Variants in CYP24A1 observed in about 807,000 individuals in gnomAD.
CYP24A1 encodes the protein cytochrome P450 family 24 subfamily A member 1.
A neutral mutation model predicts 62.4 loss-of-function variants in CYP24A1; 68 were observed. That is an observed-to-expected ratio of 1.09 (90% CI 0.90 to 1.33). The LOEUF (loss-of-function observed/expected upper bound fraction) is 1.33, where lower values mean the gene tolerates loss of function less well. CYP24A1 is among the 40% of genes most tolerant of loss of function. The probability of loss-of-function intolerance (pLI) is 0.00; values close to 1 mark genes in which losing one functional copy is unlikely to be tolerated. For missense variants in CYP24A1, 787 were observed against 653.0 expected, an observed-to-expected ratio of 1.21 and a Z score of -2.24; for synonymous variants, 267 against 253.0, an observed-to-expected ratio of 1.06 and a Z score of -0.52.
chr20:54,169,965 A>G (rs1234157980), intron 3 of CYP24A1, among the ~76,000 whole-genome samples: 2 of 134,846 alleles, frequency 1.5e-5, no homozygotes, highest in African/African-American at 5.5e-5. Flanking sequence ...ATTTAAGAAA[A>G]GGAAAACATT....
the CYP24A1 span, among the ~76,000 whole-genome samples, chr20:54,145,112 T>C: frequency 1.3e-5 from 2 of 152,194 alleles, no homozygotes; most frequent in East Asian, 3.8e-4. Context: ...AAATTCATTC[T>C]AGGTTAGTTG....
downstream of CYP24A1, among the ~76,000 whole-genome samples, chr20:54,150,171 A>G (rs1172487925): frequency 6.6e-6 from 1 of 152,166 alleles, no homozygotes; most frequent in East Asian, 1.9e-4. Flanking sequence ...TTTACGGTAT[A>G]CTTTACAGAT....
intron 2 of CYP24A1, chr20:54,172,700 C>A: frequency 8.4e-7 from 1 of 1,188,070 alleles, no homozygotes; most frequent in Non-Finnish European, 1.1e-6. Flanking sequence ...AACGCAGGTG[C>A]TGGGTGCACA....
At chr20:54,148,694 G>C (rs993551684), downstream of CYP24A1, among the ~76,000 whole-genome samples, 1 of 152,060 alleles carries the variant, frequency 6.6e-6, no homozygotes, top group East Asian at 1.9e-4. Context: ...ATTTAAAGAG[G>C]CTCCCATTAA....
downstream of CYP24A1, among the ~76,000 whole-genome samples, chr20:54,151,719 C>A (rs963401163): frequency 6.6e-6 from 1 of 151,886 alleles, no homozygotes; most frequent in African/African-American, 2.4e-5. Flanking sequence ...CGTGCCACCA[C>A]GCCCAGCTAA....
intron 2 of CYP24A1, chr20:54,172,687 G>A: frequency 9.4e-7 from 1 of 1,060,946 alleles, no homozygotes; most frequent in Admixed American, 2.9e-5. Flanking sequence ...TGTTGCCAGA[G>A]AGAACGCAGG....
intron 3 of CYP24A1, among the ~76,000 whole-genome samples, chr20:54,170,157 A>C (rs1042451955): frequency 6.6e-6 from 1 of 152,192 alleles, no homozygotes; most frequent in African/African-American, 2.4e-5. Flanking sequence ...ACTTGGAACC[A>C]GAAGATCTAC....
At position 54,165,962 on chromosome 20, in the gene CYP24A1, G is replaced by A; in HGVS notation, c.641-129C>T. The A allele has an allele frequency of 2.9e-5, 21 of 722,366 alleles. 1 individual carries two copies. In the South Asian group the frequency reaches 3.3e-4, roughly 11 times the overall value. The allele number at this position is 722,366 out of a possible 1,614,324, so 44.7% of individuals were successfully genotyped here. ...TGGGATTTTCTGAGAAAAGGCAACA[G>A]TCCAAGAATATTGAGGAAAAGCAGA... On this transcript the variant is annotated intron_variant, in intron 4 of 11. Transcript: ENST00000216862.
chr20:54,162,539 G>A (rs1014399309), intron 7 of CYP24A1, 178 bp downstream of exon 7: 3 of 625,494 alleles, frequency 4.8e-6, no homozygotes, highest in East Asian at 5.6e-5. Flanking sequence ...CTGAGGCACC[G>A]TGGCATAGAT....
intron 4 of CYP24A1, among the ~76,000 whole-genome samples, chr20:54,168,790 T>TC (rs2092682170): frequency 2.0e-5 from 1 of 48,882 alleles, no homozygotes; most frequent in Non-Finnish European, 4.1e-5. Context: ...CTCCCTCCCT[T>TC]CTGCCTTCCC....
Position 54,172,978 on chromosome 20 carries a change from T to C in CYP24A1, c.380A>G (p.Gln127Arg). The change falls in exon 2 of 12, where the codon CAG (glutamine) becomes CGG (arginine). Residue 127 changes from glutamine to arginine, a missense_variant. Physicochemically the swap from Gln to Arg is conservative, Grantham distance 43. Transcript: ENST00000216862. ...ALYRTESAYP[Q>R]RLEIKPWKAY... is the part of the protein sequence containing the mutation. ...CTTCCACGGTTTGATCTCCAGCCGC[T>C]GCGGGTACGCGCTCTCGGTGCGGTA... The C allele has an allele frequency of 1.2e-6, 2 of 1,613,054 alleles. No homozygotes were observed. Among genetic ancestry groups the C allele is most frequent in the South Asian group, 1.1e-5 (1 of 91,070 alleles).
chr20:54,169,310 C>T (rs978174586), intron 4 of CYP24A1, among the ~76,000 whole-genome samples: 2 of 152,130 alleles, frequency 1.3e-5, no homozygotes, highest in African/African-American at 4.8e-5. Context: ...TATAAGCTCC[C>T]CAAGGGTACA....
chr20:54,159,202 C>G, intron 7 of CYP24A1, 79 bp from the exon 8 acceptor site: 2 of 1,084,732 alleles, frequency 1.8e-6, no homozygotes, highest in Non-Finnish European at 2.8e-6. Context: ...AAAGGTGATG[C>G]CCACCACCTT....
Position 54,173,218 on chromosome 20 carries a change from G to C in CYP24A1, c.258+104C>G. On this transcript the variant is annotated intron_variant, in intron 1 of 11. Transcript: ENST00000216862. The surrounding 1 kb of genome is among the most constrained non-coding windows in gnomAD (Gnocchi z 7.2). The stretch of plus-strand genomic sequence containing the variant: ...CGGGGACCCTCCCTGCCCAGACGCC[G>C]AAGCGCACCATGCGCCCGAGGCGCG... 6.6e-7 allele frequency: 1 copy of C among 1,515,966 alleles called. No homozygotes were observed. The highest frequency in any genetic ancestry group is 9.1e-7 in the Non-Finnish European group (1 of 1,100,542). The allele number at this position is 1,515,966 out of a possible 1,614,324, so 93.9% of individuals were successfully genotyped here.
chr20:54,155,758 A>T (rs1250612173), intron 11 of CYP24A1, among the ~76,000 whole-genome samples: 1 of 148,724 alleles, frequency 6.7e-6, no homozygotes, highest in African/African-American at 2.5e-5. Context: ...AAAAAAAAAA[A>T]ATTAGGGCCT....
At position 54,153,827 on chromosome 20, in the gene CYP24A1, T is replaced by C. The variant is rs1246108117; in HGVS notation, c.*945A>G. On this transcript the variant is annotated 3_prime_UTR_variant, in exon 12 of 12. Coordinates refer to ENST00000216862, the MANE Select transcript of CYP24A1 (RefSeq NM_000782.5). ...CTAGGAGTTCAAATCACAAAACAAATGTTATATAACAGATCTCTAACTTTT... is the reference window on the plus strand; with the variant it reads ...CTAGGAGTTCAAATCACAAAACAAACGTTATATAACAGATCTCTAACTTTT... 5 of 152,652 alleles carry C rather than the reference T, an allele frequency of 3.3e-5. No homozygotes were observed. Among genetic ancestry groups the C allele is most frequent in the African/African-American group, 1.2e-4 (5 of 41,466 alleles). 9.5% of individuals were successfully genotyped at this position (152,652 alleles called of 1,614,324 possible).
downstream of CYP24A1, among the ~76,000 whole-genome samples, chr20:54,148,934 C>T (rs1294733005): frequency 6.6e-6 from 1 of 152,140 alleles, no homozygotes; most frequent in Non-Finnish European, 1.5e-5. Flanking sequence ...GTGAAACTCC[C>T]TACATAGCTC....
intron 4 of CYP24A1, among the ~76,000 whole-genome samples, chr20:54,168,507 C>T (rs941618864): frequency 7.2e-5 from 11 of 152,118 alleles, no homozygotes; most frequent in Non-Finnish European, 1.0e-4. Context: ...TCAAACTCGG[C>T]GCTCATGCTT....
At chr20:54,157,628 G>A (rs995284705) in intron 9 of CYP24A1, 43 bp from the exon 10 acceptor site, 8 of 1,200,498 alleles carry the variant, frequency 6.7e-6, no homozygotes, top group Non-Finnish European at 8.7e-6. Flanking sequence ...ATAACCAGAA[G>A]AGACCTTTGA....
Sources: allele counts gnomAD v4.1 joint callset (sites outside exome capture counted in the v4.1 genomes callset), GRCh38; gene constraint gnomAD v4.1.1; non-coding constraint Gnocchi (gnomAD v3.1); transcripts MANE v1.5; gene names NCBI Gene and HGNC (gene_info 2026-07-23, HGNC 2026-07-21).